The following ANKRD31 variants were observed in gnomAD, a reference collection of about 807,000 sequenced individuals.
ANKRD31 encodes the protein ankyrin repeat domain 31.
ANKRD31 carries 147 observed loss-of-function variants against 186.0 expected under a neutral mutation model. The ratio of observed to expected loss-of-function variants is 0.79; its 90% confidence interval spans 0.69 to 0.91. The LOEUF is 0.91. Among genes scored for constraint, ANKRD31 ranks in the 40% least tolerant of loss-of-function variants. The pLI, the probability that ANKRD31 is intolerant of heterozygous loss-of-function variation, is 0.00. For synonymous variants in ANKRD31, 673 were observed against 736.4 expected (o/e 0.91, Z 1.39); for missense variants, 1,986 against 2,148.8 (o/e 0.92, Z 1.50).
chr5:75,226,321 G>A (rs1028176479), intron 2 of ANKRD31, among the ~76,000 whole-genome samples: 1 of 152,124 alleles, frequency 6.6e-6, no homozygotes, highest in Non-Finnish European at 1.5e-5. Context: ...TGGTAGCCAG[G>A]TAATGGCTAC....
intron 22 of ANKRD31, among the ~76,000 whole-genome samples, chr5:75,094,876 TG>T (rs969777269): frequency 2.0e-5 from 3 of 152,160 alleles, no homozygotes; most frequent in Non-Finnish European, 4.4e-5. Context: ...ACAAGAAAGC[TG>T]GAATGGCTAT....
In ANKRD31 at chr5:75,105,030, G is replaced by A; in HGVS notation, c.4529C>T (p.Ser1510Phe). ...GAGCTCTTGGCTGTCTTTTTCACTA[G>A]AGATTTCTGATCTGGGTGGGAGCTT... ...LRKLPPRSEI[S>F]SEKDSQELTS... The change falls in exon 22 of 26, where the codon TCT becomes TTT. Residue 1510 changes from serine (S) to phenylalanine (F), a missense_variant. Physicochemically the swap from Ser to Phe is radical, Grantham distance 155 (BLOSUM62 -2). Transcript: ENST00000506364. 1.3e-6 allele frequency: 2 copies of A among 1,536,756 alleles called. No individual in the cohort carries two copies. Among genetic ancestry groups the A allele is most frequent in the Non-Finnish European group, 8.7e-7 (1 of 1,146,790 alleles).
intron 10 of ANKRD31, among the ~76,000 whole-genome samples, chr5:75,186,681 A>C (rs77454417): frequency 6.6e-6 from 1 of 152,168 alleles, no homozygotes; most frequent in African/African-American, 2.4e-5. Flanking sequence ...TGCTTTTGGA[A>C]AAAGAATTAT....
chr5:75,165,140 A>G (rs900843996), intron 11 of ANKRD31, among the ~76,000 whole-genome samples: 3 of 152,154 alleles, frequency 2.0e-5, no homozygotes, highest in African/African-American at 7.2e-5. Context: ...ACCCACTTCC[A>G]TGGTATGGAC....
intron 17 of ANKRD31, among the ~76,000 whole-genome samples, chr5:75,127,422 T>C (rs969654277): frequency 1.5e-4 from 23 of 152,260 alleles, no homozygotes; most frequent in African/African-American, 5.3e-4. Flanking sequence ...ATCCTAAAAG[T>C]ACAGGACAGC....
chr5:75,133,410 C>T (rs1338481318), intron 17 of ANKRD31, among the ~76,000 whole-genome samples: 1 of 151,858 alleles, frequency 6.6e-6, no homozygotes, highest in Admixed American at 6.6e-5. Context: ...CCAAAAGAGA[C>T]AAAGAAGGCC....
intron 21 of ANKRD31, 83 bp downstream of exon 21, chr5:75,107,438 G>T: frequency 1.0e-6 from 1 of 957,384 alleles, no homozygotes; most frequent in Non-Finnish European, 1.5e-6. Flanking sequence ...GTATTCTTAA[G>T]AAATTCTAGA....
intron 3 of ANKRD31, among the ~76,000 whole-genome samples, chr5:75,214,010 G>A (rs1756810817): frequency 6.6e-6 from 1 of 152,172 alleles, no homozygotes; most frequent in Admixed American, 6.5e-5. Flanking sequence ...GAAGTACCTG[G>A]ATGAATTGCT....
At chr5:75,124,032 C>G (rs1249290532) in intron 17 of ANKRD31, among the ~76,000 whole-genome samples, 1 of 151,950 alleles carries the variant, frequency 6.6e-6, no homozygotes. Flanking sequence ...AACTATGAAT[C>G]CAACAGGGAC....
At chr5:75,221,349 T>C (rs1757289061) in intron 3 of ANKRD31, among the ~76,000 whole-genome samples, 1 of 152,144 alleles carries the variant, frequency 6.6e-6, no homozygotes, top group Non-Finnish European at 1.5e-5. Flanking sequence ...AAAGTAAAAA[T>C]TCTTTGTGTG....
intron 17 of ANKRD31, among the ~76,000 whole-genome samples, chr5:75,137,616 T>G (rs1750695821): frequency 6.6e-6 from 1 of 152,180 alleles, no homozygotes; most frequent in African/African-American, 2.4e-5. Context: ...GTGTTTACTT[T>G]TACTCTCTTC....
chr5:75,103,896 A>C (rs1747115906), intron 22 of ANKRD31, among the ~76,000 whole-genome samples: 1 of 152,348 alleles, frequency 6.6e-6, no homozygotes, highest in Non-Finnish European at 1.5e-5. Flanking sequence ...TAGCTAATGC[A>C]TGCTGGGCTT....
intron 10 of ANKRD31, among the ~76,000 whole-genome samples, chr5:75,173,568 A>G (rs1753529731): frequency 6.6e-6 from 1 of 152,232 alleles, no homozygotes; most frequent in Non-Finnish European, 1.5e-5. Context: ...AAAAATCACA[A>G]GCATTCCTAT....
At chr5:75,069,892 G>T (rs187745562) in intron 25 of ANKRD31, among the ~76,000 whole-genome samples, 1 of 152,222 alleles carries the variant, frequency 6.6e-6, no homozygotes, top group African/African-American at 2.4e-5. Context: ...GAAGCATGTA[G>T]CCCTGGGATG....
intron 12 of ANKRD31, 97 bp from the exon 13 acceptor site, chr5:75,148,725 G>C: frequency 1.3e-6 from 1 of 775,210 alleles, no homozygotes; most frequent in Non-Finnish European, 1.9e-6. Flanking sequence ...AAAACCAAGT[G>C]GAATAAGTGA....
intron 10 of ANKRD31, among the ~76,000 whole-genome samples, chr5:75,188,074 C>T (rs1374963852): frequency 6.6e-6 from 1 of 152,072 alleles, no homozygotes; most frequent in Non-Finnish European, 1.5e-5. Flanking sequence ...TTTTCCATTT[C>T]CCTGGCCACT....
chr5:75,196,858 G>A (rs1024141922), intron 6 of ANKRD31, among the ~76,000 whole-genome samples: 1 of 151,928 alleles, frequency 6.6e-6, no homozygotes, highest in African/African-American at 2.4e-5. Context: ...CACCTTAATA[G>A]GTTATACCTG....
At position 75,146,320 on chromosome 5, in the gene ANKRD31, A is replaced by G; in HGVS notation, c.3091T>C (p.Phe1031Leu). ...GGAATATAATCCTGTGGCTTTTTGAATAGCTCCACATGATTAGTCAACTTT... is the reference window on the plus strand; with the variant it reads ...GGAATATAATCCTGTGGCTTTTTGAGTAGCTCCACATGATTAGTCAACTTT... ...ASKLTNHVEL[F>L]KKPQDYIPRA... is the part of the protein sequence containing the mutation. Residue 1031 changes from phenylalanine (F) to leucine (L), a missense_variant, in exon 14 of 26, where the codon TTC (phenylalanine) becomes CTC (leucine). Transcript: ENST00000506364. 6.5e-7 allele frequency: 1 copy of G among 1,536,538 alleles called. No individual in the cohort carries two copies. The highest frequency in any genetic ancestry group is 2.4e-5 in the East Asian group (1 of 40,864).
chr5:75,106,204 G>A (rs1307400671), intron 21 of ANKRD31, among the ~76,000 whole-genome samples: 1 of 152,090 alleles, frequency 6.6e-6, no homozygotes, highest in Non-Finnish European at 1.5e-5. Context: ...GAGAATGAGA[G>A]CAAGAGAGCA....
Sources: allele counts gnomAD v4.1 joint callset (sites outside exome capture counted in the v4.1 genomes callset), GRCh38; gene constraint gnomAD v4.1.1; transcripts MANE v1.5; gene names NCBI Gene and HGNC (gene_info 2026-07-23, HGNC 2026-07-21).